CSGALNACT1: variants seen among roughly 807,000 people sequenced by gnomAD.
The protein encoded by CSGALNACT1 is chondroitin sulfate N-acetylgalactosaminyltransferase 1.
In CSGALNACT1, 52 loss-of-function variants were observed where a neutral mutation model predicts 51.0. That is an observed-to-expected ratio of 1.02 (90% CI 0.82 to 1.29). The LOEUF (loss-of-function observed/expected upper bound fraction) is 1.29, where lower values mean the gene tolerates loss of function less well. Among genes scored for constraint, CSGALNACT1 ranks in the 50% most tolerant of loss-of-function variants. The pLI is 0.00. For synonymous variants in CSGALNACT1, 341 were observed against 254.4 expected, an observed-to-expected ratio of 1.34 and a Z score of -3.24; for missense variants, 935 against 679.2, an observed-to-expected ratio of 1.38 and a Z score of -4.19.
At chr8:19,726,949 C>T (rs535158673) in intron 1 of CSGALNACT1, among the ~76,000 whole-genome samples, 124 of 152,262 alleles carry the variant, frequency 8.1e-4, no homozygotes, top group African/African-American at 2.8e-3. Flanking sequence ...TAGACAGCAA[C>T]CTTAGGAACA....
At chr8:19,608,866 C>T (rs952104928) in intron 1 of CSGALNACT1, among the ~76,000 whole-genome samples, 7 of 152,106 alleles carry the variant, frequency 4.6e-5, no homozygotes, top group Admixed American at 3.3e-4. Context: ...TATCTTCTTC[C>T]TTCCCAGATG....
chr8:19,420,237 G>A (rs1421054297), intron 7 of CSGALNACT1, 103 bp downstream of exon 6: 3 of 1,067,292 alleles, frequency 2.8e-6, no homozygotes, highest in East Asian at 2.4e-5. Flanking sequence ...AAAACAGGCT[G>A]ATTCAGAAGC....
At chr8:19,726,674 T>C (rs2063419017) in intron 1 of CSGALNACT1, among the ~76,000 whole-genome samples, 1 of 152,110 alleles carries the variant, frequency 6.6e-6, no homozygotes, top group Non-Finnish European at 1.5e-5. Flanking sequence ...ATTTTTAGAA[T>C]GAGTATAAAG....
chr8:19,458,949 A>G (rs756050313), intron 4 of CSGALNACT1, among the ~76,000 whole-genome samples: 45 of 152,356 alleles, frequency 3.0e-4, no homozygotes, highest in Non-Finnish European at 5.1e-4. Flanking sequence ...ACAGGCCAAA[A>G]TAAGACTGAC....
intron 1 of CSGALNACT1, among the ~76,000 whole-genome samples, chr8:19,674,652 G>C (rs1187952036): frequency 6.6e-6 from 1 of 152,152 alleles, no homozygotes; most frequent in Non-Finnish European, 1.5e-5. Flanking sequence ...GTGGAGGGCA[G>C]TGGTGTGAAA....
chr8:19,575,645 G>A (rs918273064), intron 3 of CSGALNACT1, among the ~76,000 whole-genome samples: 95 of 152,338 alleles, frequency 6.2e-4, no homozygotes, highest in African/African-American at 2.2e-3. Context: ...CTAGGATACT[G>A]AGAAATTTTG....
intron 1 of CSGALNACT1, among the ~76,000 whole-genome samples, chr8:19,687,759 CTAT>C (rs2061059275): frequency 6.6e-6 from 1 of 152,168 alleles, no homozygotes; most frequent in Admixed American, 6.5e-5. Flanking sequence ...AAAGACAATA[CTAT>C]TATTACTATG....
intron 4 of CSGALNACT1, among the ~76,000 whole-genome samples, chr8:19,481,727 A>C (rs2153921713): frequency 6.6e-6 from 1 of 152,276 alleles, no homozygotes; most frequent in East Asian, 1.9e-4. Context: ...CATAGAAAAA[A>C]GTGCTGAGCT....
At chr8:19,650,485 G>A (rs142369341) in intron 1 of CSGALNACT1, among the ~76,000 whole-genome samples, 4 of 152,304 alleles carry the variant, frequency 2.6e-5, no homozygotes, top group African/African-American at 9.6e-5. Context: ...GAGCAATAGT[G>A]AAGCTCTTAA....
intron 1 of CSGALNACT1, among the ~76,000 whole-genome samples, chr8:19,608,540 C>A (rs1362161073): frequency 6.6e-6 from 1 of 152,236 alleles, no homozygotes; most frequent in African/African-American, 2.4e-5. Flanking sequence ...ATCTCCACAG[C>A]ATCTTTAAGG....
chr8:19,698,138 G>A (rs1442270588), intron 1 of CSGALNACT1, among the ~76,000 whole-genome samples: 1 of 152,192 alleles, frequency 6.6e-6, no homozygotes, highest in Non-Finnish European at 1.5e-5. Context: ...GGACAAAGCA[G>A]TCCCATGAGG....
At chr8:19,617,317 C>T (rs2053168700) in intron 1 of CSGALNACT1, among the ~76,000 whole-genome samples, 1 of 152,288 alleles carries the variant, frequency 6.6e-6, no homozygotes, top group South Asian at 2.1e-4. Context: ...GGCCTGGTTC[C>T]TAGCAGGCCA....
chr8:19,708,179 G>T (rs2062290295), intron 1 of CSGALNACT1, among the ~76,000 whole-genome samples: 1 of 152,122 alleles, frequency 6.6e-6, no homozygotes, highest in Non-Finnish European at 1.5e-5. Flanking sequence ...TGGTCACATT[G>T]CCCTGTTTTA....
chr8:19,438,272 A>T (rs1248581603), intron 6 of CSGALNACT1, among the ~76,000 whole-genome samples: 1 of 152,176 alleles, frequency 6.6e-6, no homozygotes, highest in Admixed American at 6.5e-5. Context: ...AATTGTTCTC[A>T]ATTGTGGCTT....
At chr8:19,573,509 T>C (rs1206732000) in intron 3 of CSGALNACT1, among the ~76,000 whole-genome samples, 1 of 151,978 alleles carries the variant, frequency 6.6e-6, no homozygotes, top group African/African-American at 2.4e-5. Context: ...AGTGGTGCGA[T>C]CTCTGCTCAC....
intron 5 of CSGALNACT1, chr8:19,457,626 TA>T (rs762468200): frequency 2.4e-6 from 3 of 1,260,612 alleles, no homozygotes; most frequent in East Asian, 5.6e-5. Context: ...AAAAAAGAAA[TA>T]AAAAATCAGC....
chr8:19,582,181 C>T (rs1031623902), intron 3 of CSGALNACT1, among the ~76,000 whole-genome samples: 1 of 152,190 alleles, frequency 6.6e-6, no homozygotes, highest in Non-Finnish European at 1.5e-5. Context: ...CTGCAAGTGA[C>T]TATATTCCTC....
chr8:19,610,523 A>G (rs1241908647), intron 1 of CSGALNACT1, among the ~76,000 whole-genome samples: 2 of 152,038 alleles, frequency 1.3e-5, no homozygotes, highest in African/African-American at 4.8e-5. Context: ...GGACATCGAG[A>G]GGAGCACATC....
exon 4 of CSGALNACT1, chr8:19,505,889 C>T: frequency 6.3e-7 from 1 of 1,597,792 alleles, no homozygotes; most frequent in Non-Finnish European, 8.5e-7. Flanking sequence ...CCGGGGCCCC[C>T]ACGGAAGGGC....
Sources: gnomAD v4.1 joint callset for allele counts (sites outside exome capture counted in the v4.1 genomes callset) on GRCh38, gnomAD v4.1.1 for gene constraint, MANE v1.5 for transcripts, NCBI Gene and HGNC (gene_info 2026-07-23, HGNC 2026-07-21) for gene names.